PKNOX2: variants seen among roughly 807,000 people sequenced by gnomAD.
The protein encoded by PKNOX2 is PBX/knotted 1 homeobox 2.
In PKNOX2, 14 loss-of-function variants were observed where a neutral mutation model predicts 53.1. That is an observed-to-expected ratio of 0.26 (90% CI 0.17 to 0.41). The LOEUF (loss-of-function observed/expected upper bound fraction) is 0.41, where lower values mean the gene tolerates loss of function less well. Ranked by LOEUF, PKNOX2 falls within the 10% of genes least tolerant of loss-of-function variation. The pLI, the probability that PKNOX2 is intolerant of heterozygous loss-of-function variation, is 1.00. For missense variants in PKNOX2, 496 were observed against 602.8 expected, an observed-to-expected ratio of 0.82 and a Z score of 1.85; for synonymous variants, 257 against 242.8, an observed-to-expected ratio of 1.06 and a Z score of -0.54.
At chr11:125,189,409 ATATATG>A (rs1407951217) in intron 1 of PKNOX2, among the ~76,000 whole-genome samples, 2 of 35,424 alleles carry the variant, frequency 5.6e-5, no homozygotes, top group African/African-American at 2.0e-4. Flanking sequence ...GTGTGTATAT[ATATATG>A]TGTGTGTGTG....
intron 1 of PKNOX2, among the ~76,000 whole-genome samples, chr11:125,192,073 G>A (rs1956908727): frequency 6.6e-6 from 1 of 152,170 alleles, no homozygotes; most frequent in African/African-American, 2.4e-5. Context: ...GCACTGTGAA[G>A]AGATGTGAGG....
intron 10 of PKNOX2, among the ~76,000 whole-genome samples, chr11:125,423,079 T>C (rs1424366358): frequency 6.6e-6 from 1 of 152,158 alleles, no homozygotes; most frequent in Non-Finnish European, 1.5e-5. Context: ...TACACATACA[T>C]ATATACGTAT....
chr11:125,309,386 A>C (rs1411416825), intron 2 of PKNOX2, among the ~76,000 whole-genome samples: 1 of 129,646 alleles, frequency 7.7e-6, no homozygotes, highest in South Asian at 2.6e-4. Flanking sequence ...TAACAGTACC[A>C]ATTTTTTTTT....
intron 10 of PKNOX2, 37 bp downstream of exon 10, chr11:125,411,902 A>G: frequency 1.2e-6 from 2 of 1,612,758 alleles, no homozygotes; most frequent in East Asian, 2.2e-5. Flanking sequence ...GAGTCCCGGC[A>G]TGGGGTATGA....
intron 3 of PKNOX2, among the ~76,000 whole-genome samples, chr11:125,340,190 CATTA>C (rs1368720235): frequency 6.6e-6 from 1 of 152,174 alleles, no homozygotes; most frequent in African/African-American, 2.4e-5. Flanking sequence ...AGTGTGTGTC[CATTA>C]ACTGATGTAC....
chr11:125,355,579 CT>C (rs1350768221), intron 4 of PKNOX2, among the ~76,000 whole-genome samples: 6 of 152,160 alleles, frequency 3.9e-5, no homozygotes, highest in African/African-American at 1.4e-4. Flanking sequence ...GTGTGTGAGC[CT>C]CAGTTCAGTG....
intron 1 of PKNOX2, among the ~76,000 whole-genome samples, chr11:125,177,445 G>A (rs532126160): frequency 1.6e-4 from 24 of 152,190 alleles, no homozygotes; most frequent in Admixed American, 1.4e-3. Flanking sequence ...ACCTGCTTTG[G>A]GGTCAGGCAG....
At position 125,410,806 on chromosome 11, in the gene PKNOX2, T is replaced by A. The variant is rs368034578; in HGVS notation, c.746T>A (p.Met249Lys). 3.7e-6 allele frequency: 6 copies of A among 1,614,052 alleles called. No homozygotes were observed. The highest frequency in any genetic ancestry group is 5.1e-6 in the Non-Finnish European group (6 of 1,179,998). ...SGGALYQPVTMVTSQGQVVTQ... is the reference protein window; with the variant it reads ...SGGALYQPVTKVTSQGQVVTQ... The stretch of plus-strand genomic sequence containing the variant: ...GGAGCCTTATACCAACCGGTTACCA[T>A]GGTAACCTCCCAGGGTCAGGTGGTC... Residue 249 changes from methionine to lysine, a missense_variant, in exon 9 of 13, where the codon ATG becomes AAG. Transcript: ENST00000298282.
chr11:125,333,782 G>A (rs773194422), intron 3 of PKNOX2, among the ~76,000 whole-genome samples: 1 of 152,106 alleles, frequency 6.6e-6, no homozygotes, highest in Non-Finnish European at 1.5e-5. Flanking sequence ...AAATCGTTTT[G>A]CTTACATAAT....
chr11:125,287,151 G>T (rs900958713), intron 2 of PKNOX2, among the ~76,000 whole-genome samples: 9 of 152,162 alleles, frequency 5.9e-5, no homozygotes, highest in African/African-American at 2.2e-4. Flanking sequence ...TCCCCATTTT[G>T]TAGATGAGGC....
chr11:125,178,523 G>GAAGA (rs1468073327), intron 1 of PKNOX2, among the ~76,000 whole-genome samples: 1 of 128,946 alleles, frequency 7.8e-6, no homozygotes, highest in South Asian at 2.5e-4. Context: ...AAAAAAAAAA[G>GAAGA]AAGAAAGAAA....
intron 1 of PKNOX2, among the ~76,000 whole-genome samples, chr11:125,205,285 C>G (rs1391174076): frequency 6.6e-6 from 1 of 152,004 alleles, no homozygotes. Flanking sequence ...GTGTGGAGTC[C>G]CTTCCGGGGA....
chr11:125,224,692 C>G (rs1941532800), intron 1 of PKNOX2, among the ~76,000 whole-genome samples: 1 of 152,242 alleles, frequency 6.6e-6, no homozygotes, highest in Non-Finnish European at 1.5e-5. Flanking sequence ...GGTGGGGACA[C>G]CAGCCGCGGC....
At chr11:125,223,190 CT>C (rs750052592) in intron 1 of PKNOX2, among the ~76,000 whole-genome samples, 84 of 152,022 alleles carry the variant, frequency 5.5e-4, no homozygotes, top group Non-Finnish European at 8.2e-4. Flanking sequence ...CCCTCCATAC[CT>C]CAGTTTACCT....
intron 2 of PKNOX2, among the ~76,000 whole-genome samples, chr11:125,281,904 A>G (rs1946584931): frequency 6.6e-6 from 1 of 152,196 alleles, no homozygotes; most frequent in South Asian, 2.1e-4. Context: ...TTAAAAGAAG[A>G]TCCCCAAGTG....
chr11:125,407,847 G>A (rs1466218614), intron 7 of PKNOX2, among the ~76,000 whole-genome samples: 1 of 152,112 alleles, frequency 6.6e-6, no homozygotes, highest in East Asian at 1.9e-4. Flanking sequence ...CTGGGATGTT[G>A]GAACAAGGAG....
chr11:125,347,016 G>C (rs1388617527), intron 3 of PKNOX2, among the ~76,000 whole-genome samples: 1 of 152,180 alleles, frequency 6.6e-6, no homozygotes, highest in Non-Finnish European at 1.5e-5. Context: ...CTGGAGAGAA[G>C]GGACTCACTT....
chr11:125,394,259 A>G (rs1954254733), intron 6 of PKNOX2, among the ~76,000 whole-genome samples: 1 of 152,226 alleles, frequency 6.6e-6, no homozygotes, highest in Admixed American at 6.5e-5. Flanking sequence ...ACAAATCTTT[A>G]TTAAGTACTT....
intron 2 of PKNOX2, among the ~76,000 whole-genome samples, chr11:125,276,086 G>A (rs1946133997): frequency 6.6e-6 from 1 of 152,180 alleles, no homozygotes; most frequent in Non-Finnish European, 1.5e-5. Flanking sequence ...AAAGTTTTTT[G>A]AGATCAGCAA....
Sources: allele counts gnomAD v4.1 joint callset (sites outside exome capture counted in the v4.1 genomes callset), GRCh38; gene constraint gnomAD v4.1.1; transcripts MANE v1.5; gene names NCBI Gene and HGNC (gene_info 2026-07-23, HGNC 2026-07-21).